The following LRRC4C variants were observed in gnomAD, a reference collection of about 807,000 sequenced individuals.
The protein encoded by LRRC4C is leucine rich repeat containing 4C.
LRRC4C carries 5 observed loss-of-function variants against 33.6 expected under a neutral mutation model. That is an observed-to-expected ratio of 0.15 (90% CI 0.08 to 0.31). The LOEUF is 0.31. Ranked by LOEUF, LRRC4C falls within the 10% of genes least tolerant of loss-of-function variation. The probability of loss-of-function intolerance (pLI) is 1.00; values close to 1 mark genes in which losing one functional copy is unlikely to be tolerated. For missense variants in LRRC4C, 560 were observed against 796.7 expected, an observed-to-expected ratio of 0.70 and a Z score of 3.58; for synonymous variants, 329 against 302.0, an observed-to-expected ratio of 1.09 and a Z score of -0.93.
intron 3 of LRRC4C, among the ~76,000 whole-genome samples, chr11:40,469,719 G>C (rs1952833763): frequency 6.6e-6 from 1 of 152,162 alleles, no homozygotes; most frequent in Non-Finnish European, 1.5e-5. Flanking sequence ...CCATCACTGA[G>C]GCTTGAGTAG....
At chr11:40,444,945 C>A (rs1014079808) in intron 3 of LRRC4C, among the ~76,000 whole-genome samples, 2 of 152,140 alleles carry the variant, frequency 1.3e-5, no homozygotes, top group Non-Finnish European at 2.9e-5. Context: ...GGTGGGAAGA[C>A]CTCTCCTCTC....
intron 1 of LRRC4C, among the ~76,000 whole-genome samples, chr11:41,225,560 AG>A (rs1947494828): frequency 6.6e-6 from 1 of 152,172 alleles, no homozygotes; most frequent in African/African-American, 2.4e-5. Flanking sequence ...GCACTTTGGG[AG>A]GCCAAGGTGA....
At chr11:40,320,903 C>T (rs1327803359) in intron 3 of LRRC4C, among the ~76,000 whole-genome samples, 1 of 152,038 alleles carries the variant, frequency 6.6e-6, no homozygotes, top group Non-Finnish European at 1.5e-5. Context: ...GCTTCTCTCT[C>T]GAGCATGAGT....
At chr11:40,581,429 A>G (rs906900491) in intron 3 of LRRC4C, among the ~76,000 whole-genome samples, 4 of 152,066 alleles carry the variant, frequency 2.6e-5, no homozygotes, top group African/African-American at 4.8e-5. Context: ...CTATATTTTA[A>G]ACCTCGCTCA....
intron 2 of LRRC4C, among the ~76,000 whole-genome samples, chr11:40,787,262 G>A (rs572322886): frequency 1.7e-5 from 2 of 116,474 alleles, no homozygotes; most frequent in Non-Finnish European, 3.4e-5. Flanking sequence ...ATTGCCAACT[G>A]GGGGGGGTAG....
At chr11:40,548,947 C>T (rs75306483) in intron 3 of LRRC4C, among the ~76,000 whole-genome samples, 2 of 152,054 alleles carry the variant, frequency 1.3e-5, no homozygotes, top group South Asian at 2.1e-4. Flanking sequence ...ATTTCTGGAA[C>T]CAACTTCTGA....
chr11:41,192,880 G>A (rs1342159693), intron 1 of LRRC4C, among the ~76,000 whole-genome samples: 1 of 152,052 alleles, frequency 6.6e-6, no homozygotes, highest in African/African-American at 2.4e-5. Flanking sequence ...TGATCAAGAG[G>A]CAGCCCATAA....
chr11:40,986,329 G>A (rs960855244), intron 1 of LRRC4C, among the ~76,000 whole-genome samples: 1 of 152,118 alleles, frequency 6.6e-6, no homozygotes, highest in African/African-American at 2.4e-5. Context: ...TCTGTGTAGT[G>A]GCTCACACCT....
chr11:40,744,816 T>G (rs530230906), intron 2 of LRRC4C, among the ~76,000 whole-genome samples: 8 of 152,244 alleles, frequency 5.3e-5, no homozygotes, highest in African/African-American at 1.7e-4. Flanking sequence ...TTGGCTGTAT[T>G]GTCTACAAAA....
intron 2 of LRRC4C, among the ~76,000 whole-genome samples, chr11:40,890,821 C>A (rs953142107): frequency 1.3e-5 from 2 of 151,668 alleles, no homozygotes; most frequent in African/African-American, 4.8e-5. Flanking sequence ...GTGTCAGTCT[C>A]AATTGTTAAA....
intron 1 of LRRC4C, among the ~76,000 whole-genome samples, chr11:40,942,364 G>A (rs530508718): frequency 6.6e-6 from 1 of 152,278 alleles, no homozygotes; most frequent in East Asian, 1.9e-4. Context: ...TAGTGGTCAT[G>A]GGAGTGTTAG....
At chr11:40,645,124 T>C (rs1203239236) in intron 3 of LRRC4C, among the ~76,000 whole-genome samples, 1 of 152,190 alleles carries the variant, frequency 6.6e-6, no homozygotes. Flanking sequence ...CCCTGATACC[T>C]AAGTGGCCAT....
chr11:41,025,151 C>G (rs570841795), intron 1 of LRRC4C, among the ~76,000 whole-genome samples: 1 of 151,660 alleles, frequency 6.6e-6, no homozygotes, highest in Admixed American at 6.6e-5. Context: ...AATTAATAAC[C>G]CTACAATGGC....
intron 1 of LRRC4C, among the ~76,000 whole-genome samples, chr11:41,310,636 A>G (rs1236658146): frequency 6.6e-6 from 1 of 152,208 alleles, no homozygotes; most frequent in Non-Finnish European, 1.5e-5. Context: ...AGTGTTAGAT[A>G]TTATTATTAA....
chr11:40,683,537 T>TA (rs199555726), intron 2 of LRRC4C, among the ~76,000 whole-genome samples: 6 of 151,480 alleles, frequency 4.0e-5, no homozygotes, highest in Non-Finnish European at 7.4e-5. Flanking sequence ...ATAACTGATA[T>TA]AAAAAAAAGT....
intron 3 of LRRC4C, among the ~76,000 whole-genome samples, chr11:40,497,529 T>C (rs765460254): frequency 6.6e-6 from 1 of 152,166 alleles, no homozygotes; most frequent in Non-Finnish European, 1.5e-5. Context: ...AGAGAAACAT[T>C]TGAAGACCAC....
At chr11:41,360,115 G>C (rs375401417) in intron 1 of LRRC4C, among the ~76,000 whole-genome samples, 1 of 152,132 alleles carries the variant, frequency 6.6e-6, no homozygotes, top group East Asian at 1.9e-4. Flanking sequence ...CCTGGGAGGC[G>C]GAGGTGGCAG....
intron 5 of LRRC4C, among the ~76,000 whole-genome samples, chr11:40,205,976 A>G (rs1207108844): frequency 6.6e-6 from 1 of 152,122 alleles, no homozygotes; most frequent in Non-Finnish European, 1.5e-5. Context: ...TTCACAACAT[A>G]TATTTTATTT....
chr11:40,315,408 C>T (rs1473323672), intron 4 of LRRC4C, among the ~76,000 whole-genome samples: 2 of 151,684 alleles, frequency 1.3e-5, no homozygotes, highest in African/African-American at 2.4e-5. Flanking sequence ...AAATATTACC[C>T]TCATATAATA....
Sources: allele counts gnomAD v4.1 joint callset (sites outside exome capture counted in the v4.1 genomes callset), GRCh38; gene constraint gnomAD v4.1.1; transcripts MANE v1.5; gene names NCBI Gene and HGNC (gene_info 2026-07-23, HGNC 2026-07-21).